The following PTPN4 variants were observed in gnomAD, a reference collection of about 807,000 sequenced individuals.
PTPN4 encodes protein tyrosine phosphatase non-receptor type 4, also known as tyrosine-protein phosphatase non-receptor type 4.
Under a neutral mutation model 135.5 loss-of-function variants are expected in PTPN4, and 49 were observed. The ratio of observed to expected loss-of-function variants is 0.36; its 90% confidence interval spans 0.29 to 0.46. The LOEUF is 0.46. PTPN4 is among the 20% of genes least tolerant of loss of function. The probability of loss-of-function intolerance (pLI) is 1.00; values close to 1 mark genes in which losing one functional copy is unlikely to be tolerated. For synonymous variants in PTPN4, 333 were observed against 369.9 expected (o/e 0.90, Z 1.14); for missense variants, 860 against 1,101.0 (o/e 0.78, Z 3.10).
chr2:119,940,324 A>G (rs2105043781), intron 15 of PTPN4, among the ~76,000 whole-genome samples: 1 of 152,362 alleles, frequency 6.6e-6, no homozygotes, highest in East Asian at 1.9e-4. Flanking sequence ...ATTTTGAATC[A>G]GAATTTTATC....
At chr2:119,789,321 A>C (rs1431952983) in intron 1 of PTPN4, among the ~76,000 whole-genome samples, 3 of 152,172 alleles carry the variant, frequency 2.0e-5, no homozygotes, top group African/African-American at 7.2e-5. Flanking sequence ...TATTCCAGAC[A>C]TTAGGTTCAT....
intron 10 of PTPN4, among the ~76,000 whole-genome samples, chr2:119,914,248 ATTTTTTT>A (rs55911315): frequency 4.2e-3 from 410 of 97,422 alleles, no homozygotes; most frequent in African/African-American, 0.019. Flanking sequence ...TAGTTACTCA[ATTTTTTT>A]TTTTTTTTTT....
At chr2:119,823,036 T>C (rs1022635829) in intron 2 of PTPN4, among the ~76,000 whole-genome samples, 1 of 152,226 alleles carries the variant, frequency 6.6e-6, no homozygotes, top group Non-Finnish European at 1.5e-5. Context: ...ATCAAGCACC[T>C]AAATATTGCA....
intron 1 of PTPN4, among the ~76,000 whole-genome samples, chr2:119,795,455 C>T (rs1054298238): frequency 6.6e-6 from 1 of 152,252 alleles, no homozygotes; most frequent in Non-Finnish European, 1.5e-5. Flanking sequence ...TGCTCGTTGG[C>T]ACCCAAAGTC....
chr2:119,766,541 G>T (rs1451638355), intron 1 of PTPN4, among the ~76,000 whole-genome samples: 2 of 151,490 alleles, frequency 1.3e-5, no homozygotes, highest in African/African-American at 2.4e-5. Context: ...TGCGTTACTG[G>T]TGCCCTAAAC....
chr2:119,832,839 T>C (rs1273456823), intron 2 of PTPN4, among the ~76,000 whole-genome samples: 1 of 152,188 alleles, frequency 6.6e-6, no homozygotes, highest in Non-Finnish European at 1.5e-5. Flanking sequence ...TACATTCTTT[T>C]ACGCACATTC....
At chr2:119,796,614 C>T (rs1297132626) in intron 1 of PTPN4, among the ~76,000 whole-genome samples, 1 of 152,046 alleles carries the variant, frequency 6.6e-6, no homozygotes, top group Admixed American at 6.6e-5. Context: ...AACTAATTCA[C>T]CTATTAGATG....
At chr2:119,760,733 C>CTTTTTTTTTTTTTTTT (rs59953430) in intron 1 of PTPN4, among the ~76,000 whole-genome samples, 9 of 79,916 alleles carry the variant, frequency 1.1e-4, no homozygotes, top group African/African-American at 2.0e-4. Flanking sequence ...GGTAGAATTC[C>CTTTTTTTTTTTTTTTT]TTTTTTTTTT....
At chr2:119,956,117 A>G (rs937730742) in intron 20 of PTPN4, among the ~76,000 whole-genome samples, 4 of 152,018 alleles carry the variant, frequency 2.6e-5, no homozygotes, top group Non-Finnish European at 4.4e-5. Context: ...ATTATATCCA[A>G]TGAACTAGAA....
In PTPN4 at chr2:119,888,714, G is replaced by A. The variant is rs546081038; in HGVS notation, c.675+2832G>A. ...TGGTGTATTATCTTTCTAACATGCT[G>A]TTGGATTTGGTTTGCTAGTACTTTG... On this transcript the variant is annotated intron_variant, in intron 9 of 26. Transcript: ENST00000263708. Among the ~76,000 whole-genome samples, 117 of 152,230 alleles carry A rather than the reference G, an allele frequency of 7.7e-4. 1 individual carries two copies. The highest frequency in any genetic ancestry group is 2.7e-3 in the African/African-American group (114 of 41,548).
intron 2 of PTPN4, among the ~76,000 whole-genome samples, chr2:119,860,010 C>T (rs1677738217): frequency 6.6e-6 from 1 of 152,064 alleles, no homozygotes; most frequent in South Asian, 2.1e-4. Flanking sequence ...TTCTACAGTA[C>T]CCAGTCTGTG....
At chr2:119,936,827 A>G (rs1347288049) in intron 15 of PTPN4, among the ~76,000 whole-genome samples, 1 of 152,136 alleles carries the variant, frequency 6.6e-6, no homozygotes, top group East Asian at 1.9e-4. Flanking sequence ...AAATGCTTGG[A>G]GCCTTCTCCT....
intron 3 of PTPN4, among the ~76,000 whole-genome samples, chr2:119,865,232 T>C (rs1677815583): frequency 6.6e-6 from 1 of 152,116 alleles, no homozygotes; most frequent in Non-Finnish European, 1.5e-5. Context: ...TAGTTGTCAA[T>C]GTGAAATTAA....
chr2:119,858,422 G>A (rs1034522385), intron 2 of PTPN4, among the ~76,000 whole-genome samples: 11 of 151,932 alleles, frequency 7.2e-5, no homozygotes, highest in African/African-American at 2.4e-4. Context: ...CATTTTGTTT[G>A]GGGTTCACTT....
intron 2 of PTPN4, among the ~76,000 whole-genome samples, chr2:119,855,371 A>G (rs1431351143): frequency 6.6e-6 from 1 of 152,160 alleles, no homozygotes; most frequent in African/African-American, 2.4e-5. Context: ...AAGTTCCCTT[A>G]CAAGGCCTTG....
chr2:119,854,318 G>A lies in PTPN4; in HGVS notation c.139-8218G>A, dbSNP rs550023561. On this transcript the variant is annotated intron_variant, in intron 2 of 26. Transcript: ENST00000263708. ...TTTGCATATCAAAGCTTGCTGGCCT[G>A]GCTTTTTAAGCTGCTTTTCTATTAG... is the stretch of plus-strand genomic sequence containing the variant. Among the ~76,000 whole-genome samples the A allele has an allele frequency of 1.4e-3, 211 of 152,232 alleles. 3 individuals are homozygous for A. The South Asian group carries it at 0.021, about 15-fold the overall frequency.
intron 2 of PTPN4, among the ~76,000 whole-genome samples, chr2:119,850,269 C>G (rs1314767485): frequency 6.6e-6 from 1 of 152,208 alleles, no homozygotes; most frequent in Non-Finnish European, 1.5e-5. Flanking sequence ...AAACTCCTGC[C>G]TTACAAGCAG....
intron 18 of PTPN4, among the ~76,000 whole-genome samples, chr2:119,949,969 T>C (rs1679189126): frequency 6.6e-6 from 1 of 152,126 alleles, no homozygotes. Flanking sequence ...AAACAGTTTA[T>C]TTAGACTTGT....
intron 26 of PTPN4, among the ~76,000 whole-genome samples, chr2:119,975,177 TCAC>T (rs1396778806): frequency 1.3e-5 from 2 of 152,310 alleles, no homozygotes; most frequent in Admixed American, 6.5e-5. Flanking sequence ...AGTAGTGTGA[TCAC>T]CACTCATCGC....
Sources: allele counts gnomAD v4.1 joint callset (sites outside exome capture counted in the v4.1 genomes callset), GRCh38; gene constraint gnomAD v4.1.1; transcripts MANE v1.5; gene names NCBI Gene and HGNC (gene_info 2026-07-23, HGNC 2026-07-21).